TEAD4: variants seen among roughly 807,000 people sequenced by gnomAD.
TEAD4 encodes TEA domain transcription factor 4.
In TEAD4, 36 loss-of-function variants were observed where a neutral mutation model predicts 52.4. That is an observed-to-expected ratio of 0.69 (90% CI 0.53 to 0.91). TEAD4 has a LOEUF of 0.91. Ranked by LOEUF, TEAD4 falls within the 40% of genes least tolerant of loss-of-function variation. TEAD4 has a pLI of 0.00. For synonymous variants in TEAD4, 220 were observed against 231.0 expected (o/e 0.95, Z 0.43); for missense variants, 508 against 583.9 (o/e 0.87, Z 1.34).
At chr12:2,998,957 C>T (rs1344215356) in intron 3 of TEAD4, among the ~76,000 whole-genome samples, 1 of 152,190 alleles carries the variant, frequency 6.6e-6, no homozygotes, top group African/African-American at 2.4e-5. Context: ...GGGATCCAGA[C>T]ACCCGCTCAC....
At position 3,011,035 on chromosome 12, in the gene TEAD4, G is replaced by T; in HGVS notation, c.258G>T (p.Lys86Asn). 1 of 1,614,162 alleles carries T rather than the reference G, an allele frequency of 6.2e-7. No individual in the cohort carries two copies. Among genetic ancestry groups the T allele is most frequent in the Non-Finnish European group, 8.5e-7 (1 of 1,180,014 alleles). The change falls in exon 4 of 13, where the codon AAG becomes AAT. Residue 86 changes from lysine (K) to asparagine (N), a missense_variant. Transcript: ENST00000359864. ...ACGAGCTGATTGCCCGCTACATCAA[G>T]CTCCGGACAGGGAAGACCCGCACCA... is the stretch of plus-strand genomic sequence containing the variant.
intron 2 of TEAD4, among the ~76,000 whole-genome samples, chr12:2,962,759 C>T (rs978002184): frequency 2.0e-5 from 3 of 152,182 alleles, no homozygotes; most frequent in Admixed American, 6.5e-5. Context: ...AGCCACTGCG[C>T]CTGGCCTAAG....
chr12:3,000,565 G>A (rs3825365), intron 3 of TEAD4, among the ~76,000 whole-genome samples: 107,523 of 152,006 alleles, frequency 0.71, 41,612 homozygotes, highest in Non-Finnish European at 0.87. Context: ...CTTCAGGGCC[G>A]TATCACTCCT....
intron 2 of TEAD4, among the ~76,000 whole-genome samples, chr12:2,991,365 A>G (rs1189390893): frequency 6.6e-6 from 1 of 152,174 alleles, no homozygotes; most frequent in East Asian, 1.9e-4. Context: ...CAACTCTTTT[A>G]AGTAGTTTGT....
intron 2 of TEAD4, among the ~76,000 whole-genome samples, chr12:2,972,625 A>T (rs2098226227): frequency 6.8e-6 from 1 of 146,310 alleles, no homozygotes; most frequent in Non-Finnish European, 1.5e-5. Flanking sequence ...TCAGCCTCCC[A>T]AGTAGCTGGG....
chr12:3,016,716 G>A (rs2098264793), intron 5 of TEAD4, among the ~76,000 whole-genome samples: 1 of 152,146 alleles, frequency 6.6e-6, no homozygotes, highest in Non-Finnish European at 1.5e-5. Context: ...ACTCAGGATG[G>A]AAACCACTGG....
chr12:3,020,210 C>A (rs2098267671), intron 8 of TEAD4, among the ~76,000 whole-genome samples: 1 of 152,204 alleles, frequency 6.6e-6, no homozygotes, highest in South Asian at 2.1e-4. Flanking sequence ...GTGATGCAAA[C>A]AGGAAACGTC....
At chr12:2,973,781 A>G (rs1403492066) in intron 2 of TEAD4, among the ~76,000 whole-genome samples, 4 of 152,186 alleles carry the variant, frequency 2.6e-5, no homozygotes, top group African/African-American at 9.7e-5. Context: ...ACAAATGTTC[A>G]TGTCCAGCCT....
At chr12:2,996,650 TC>T (rs771150469) in intron 3 of TEAD4, among the ~76,000 whole-genome samples, 4 of 152,188 alleles carry the variant, frequency 2.6e-5, no homozygotes, top group Non-Finnish European at 4.4e-5. Context: ...CCTCAGGTGA[TC>T]CGCCCACCTT....
intron 2 of TEAD4, among the ~76,000 whole-genome samples, chr12:2,986,548 G>A (rs185585987): frequency 2.6e-5 from 4 of 151,930 alleles, no homozygotes; most frequent in South Asian, 2.1e-4. Context: ...GCTGAGTCAC[G>A]AGAATCGCTT....
intron 3 of TEAD4, among the ~76,000 whole-genome samples, chr12:3,010,057 C>T (rs2098259052): frequency 6.6e-6 from 1 of 152,228 alleles, no homozygotes; most frequent in Admixed American, 6.5e-5. Context: ...TCTGATCCCC[C>T]CACTCAAACC....
intron 2 of TEAD4, among the ~76,000 whole-genome samples, chr12:2,975,710 T>G (rs1379285121): frequency 6.6e-6 from 1 of 151,978 alleles, no homozygotes; most frequent in Admixed American, 6.6e-5. Context: ...GAGTCCATAG[T>G]TCACATTAGG....
chr12:2,986,835 G>A (rs1224380000), intron 2 of TEAD4, among the ~76,000 whole-genome samples: 1 of 152,106 alleles, frequency 6.6e-6, no homozygotes, highest in Non-Finnish European at 1.5e-5. Context: ...CACCAGACAC[G>A]TGAGGAATGT....
intron 8 of TEAD4, among the ~76,000 whole-genome samples, chr12:3,020,288 G>T (rs55670813): frequency 6.6e-6 from 1 of 152,222 alleles, no homozygotes; most frequent in East Asian, 1.9e-4. Flanking sequence ...GACTGGAACA[G>T]AAGTTGCTTG....
intron 3 of TEAD4, among the ~76,000 whole-genome samples, chr12:2,997,327 G>A (rs753232706): frequency 3.3e-5 from 5 of 152,202 alleles, no homozygotes; most frequent in Admixed American, 6.5e-5. Context: ...TACTTGTGAA[G>A]TTCTGCTTCT....
intron 10 of TEAD4, among the ~76,000 whole-genome samples, chr12:3,032,195 C>A (rs1196937151): frequency 6.6e-6 from 1 of 152,236 alleles, no homozygotes; most frequent in African/African-American, 2.4e-5. Context: ...CCTGTGTCCT[C>A]TCTTTCTTTC....
chr12:3,040,525 C>G lies in TEAD4; in HGVS notation c.*47C>G. 6.4e-7 allele frequency: 1 copy of G among 1,561,254 alleles called. No individual in the cohort carries two copies. Among genetic ancestry groups the G allele is most frequent in the Non-Finnish European group, 8.8e-7 (1 of 1,137,222 alleles). ...GGGGAAGAGACGTGTGTGCAGGAAA[C>G]GGGGACGTGGGGAGGGGACCTGCAG... On this transcript the variant is annotated 3_prime_UTR_variant, in exon 13 of 13. Coordinates refer to ENST00000359864, the MANE Select transcript of TEAD4 (RefSeq NM_003213.4).
intron 2 of TEAD4, among the ~76,000 whole-genome samples, chr12:2,961,466 GA>G (rs2098215254): frequency 6.6e-6 from 1 of 152,070 alleles, no homozygotes; most frequent in African/African-American, 2.4e-5. Context: ...GTTCTTGTGG[GA>G]AACACCTCAC....
At chr12:3,025,211 G>T (rs1267322525) in intron 10 of TEAD4, among the ~76,000 whole-genome samples, 3 of 152,106 alleles carry the variant, frequency 2.0e-5, no homozygotes, top group Non-Finnish European at 4.4e-5. Flanking sequence ...CCCAGTGCTG[G>T]GATTACAGGT....
Sources: allele counts gnomAD v4.1 joint callset (sites outside exome capture counted in the v4.1 genomes callset), GRCh38; gene constraint gnomAD v4.1.1; transcripts MANE v1.5; gene names NCBI Gene and HGNC (gene_info 2026-07-23, HGNC 2026-07-21).